Variants in TMEM163 observed in about 807,000 individuals in gnomAD.
The protein encoded by TMEM163 is transmembrane protein 163.
In TMEM163, 17 loss-of-function variants were observed where a neutral mutation model predicts 29.3. The ratio of observed to expected loss-of-function variants is 0.58; its 90% CI spans 0.40 to 0.87. The LOEUF (loss-of-function observed/expected upper bound fraction) is 0.87, where lower values mean the gene tolerates loss of function less well. TMEM163 is among the 40% of genes least tolerant of loss of function. The pLI, the probability that TMEM163 is intolerant of heterozygous loss-of-function variation, is 0.00. For synonymous variants in TMEM163, 157 were observed against 160.6 expected, an observed-to-expected ratio of 0.98 and a Z score of 0.17; for missense variants, 303 against 381.5, an observed-to-expected ratio of 0.79 and a Z score of 1.71.
intron 5 of TMEM163, among the ~76,000 whole-genome samples, chr2:134,498,440 C>T (rs1346087815): frequency 4.7e-5 from 7 of 150,364 alleles, no homozygotes; most frequent in Admixed American, 1.3e-4. Flanking sequence ...TCTTCCACCT[C>T]AGCCTCCCGA....
intron 2 of TMEM163, among the ~76,000 whole-genome samples, chr2:134,674,113 A>G (rs1471973948): frequency 1.3e-5 from 2 of 152,164 alleles, no homozygotes; most frequent in South Asian, 2.1e-4. Context: ...TCTATTCCTC[A>G]TTTATGTGAA....
rs1159013721 is a variant in TMEM163 at position 134,493,362 on chromosome 2, C to CTTTTTTT, written c.555+9532_555+9538dup. On this transcript the variant is annotated intron_variant, in intron 5 of 7. Coordinates refer to ENST00000281924, the MANE Select transcript of TMEM163 (RefSeq NM_030923.5). ...GACTTATGGTTCAAGCTTTTGGTGTCTTTTTTTTTTTTTTTTTTTTTTTTT... is the reference window on the plus strand; with the variant it reads ...GACTTATGGTTCAAGCTTTTGGTGTCTTTTTTTTTTTTTTTTTTTTTTTTTTTTTTTT... Among the ~76,000 whole-genome samples, 164 of 49,856 alleles carry CTTTTTTT rather than the reference C, an allele frequency of 3.3e-3. 42 individuals are homozygous for CTTTTTTT. The highest frequency in any genetic ancestry group is 9.3e-3 in the African/African-American group (105 of 11,232). The allele number at this position is 49,856 out of a possible 152,430, so 32.7% of individuals were successfully genotyped here. A position where few individuals can be genotyped will look rare whatever the true frequency, so the allele number is the denominator to read the frequency against.
chr2:134,614,329 CAT>C (rs1682564561), intron 2 of TMEM163, among the ~76,000 whole-genome samples: 1 of 151,932 alleles, frequency 6.6e-6, no homozygotes. Flanking sequence ...CAAAATGAAA[CAT>C]GAACTTTTAT....
intron 4 of TMEM163, among the ~76,000 whole-genome samples, chr2:134,518,855 A>C (rs1680133307): frequency 6.6e-6 from 1 of 152,196 alleles, no homozygotes; most frequent in Non-Finnish European, 1.5e-5. Flanking sequence ...CCCCAGTCCC[A>C]GGCAGGGGGT....
At chr2:134,502,633 C>G (rs1679722855) in intron 5 of TMEM163, among the ~76,000 whole-genome samples, 1 of 152,172 alleles carries the variant, frequency 6.6e-6, no homozygotes, top group South Asian at 2.1e-4. Flanking sequence ...TTTACACACA[C>G]AAAAAGTCTT....
chr2:134,522,816 A>G (rs991379640), intron 4 of TMEM163, among the ~76,000 whole-genome samples: 29 of 152,238 alleles, frequency 1.9e-4, no homozygotes, highest in African/African-American at 7.0e-4. Context: ...TTGTCTGCCC[A>G]ATGATCTTGA....
intron 2 of TMEM163, among the ~76,000 whole-genome samples, chr2:134,653,853 A>G (rs373329008): frequency 8.0e-6 from 1 of 124,968 alleles, no homozygotes; most frequent in Non-Finnish European, 1.6e-5. Context: ...GTAGTTGAGC[A>G]GCTTTGAGTG....
intron 2 of TMEM163, among the ~76,000 whole-genome samples, chr2:134,646,057 C>A (rs565334400): frequency 6.6e-6 from 1 of 151,290 alleles, no homozygotes; most frequent in East Asian, 1.9e-4. Context: ...GATTAACATG[C>A]AAACATAGTC....
intron 2 of TMEM163, among the ~76,000 whole-genome samples, chr2:134,601,167 A>T (rs1427449252): frequency 6.6e-6 from 1 of 152,248 alleles, no homozygotes; most frequent in Non-Finnish European, 1.5e-5. Flanking sequence ...AATATAGATT[A>T]AAACTTCTTT....
chr2:134,626,307 G>A (rs1234001305), intron 2 of TMEM163, among the ~76,000 whole-genome samples: 3 of 152,010 alleles, frequency 2.0e-5, no homozygotes, highest in Non-Finnish European at 2.9e-5. Flanking sequence ...GTTTCACCAT[G>A]TTGGCCAGGC....
At chr2:134,603,105 C>A (rs1048770502) in intron 2 of TMEM163, among the ~76,000 whole-genome samples, 14 of 152,212 alleles carry the variant, frequency 9.2e-5, no homozygotes, top group African/African-American at 3.4e-4. Context: ...ATTACAAATC[C>A]AGGGTCACTC....
At chr2:134,538,494 A>C (rs1680591175) in intron 4 of TMEM163, among the ~76,000 whole-genome samples, 1 of 152,204 alleles carries the variant, frequency 6.6e-6, no homozygotes, top group Non-Finnish European at 1.5e-5. Flanking sequence ...TTTCCCCACA[A>C]ACACTAGCAC....
intron 5 of TMEM163, among the ~76,000 whole-genome samples, chr2:134,494,079 G>A (rs796810502): frequency 5.9e-5 from 9 of 152,260 alleles, no homozygotes; most frequent in African/African-American, 2.2e-4. Context: ...AGACAGAAGG[G>A]AGGGAGAGTG....
At chr2:134,666,609 G>A (rs1165859850) in intron 2 of TMEM163, among the ~76,000 whole-genome samples, 1 of 152,206 alleles carries the variant, frequency 6.6e-6, no homozygotes, top group East Asian at 1.9e-4. Context: ...GAACTGAGTA[G>A]GGGAAGCAAC....
chr2:134,708,784 T>C (rs935156856), intron 2 of TMEM163, among the ~76,000 whole-genome samples: 22 of 151,996 alleles, frequency 1.4e-4, no homozygotes, highest in Middle Eastern at 3.4e-3. Context: ...GAGACAGGGT[T>C]TCACCATATT....
At chr2:134,686,336 C>T (rs909510891) in intron 2 of TMEM163, among the ~76,000 whole-genome samples, 5 of 152,292 alleles carry the variant, frequency 3.3e-5, no homozygotes, top group Middle Eastern at 3.4e-3. Flanking sequence ...GCGAAGCCTG[C>T]CCCCGGGCTC....
At position 134,668,544 on chromosome 2, in the gene TMEM163, T is replaced by C. The variant is rs545537762; in HGVS notation, c.322+44656A>G. On this transcript the variant is annotated intron_variant, in intron 2 of 7. Coordinates refer to ENST00000281924, the MANE Select transcript of TMEM163 (RefSeq NM_030923.5). ...CACAGAGATTGTAAAAAAATGGGTT[T>C]TCTGCAGGAGGCAGAGGTTGCAGTG... 2.2e-4 allele frequency among the ~76,000 whole-genome samples: 34 copies of C among 151,904 alleles called. 1 individual carries two copies. In the South Asian group the frequency reaches 6.3e-3, roughly 28 times the overall value.
chr2:134,498,961 G>A (rs557349870), intron 5 of TMEM163, among the ~76,000 whole-genome samples: 111 of 152,306 alleles, frequency 7.3e-4, no homozygotes, highest in African/African-American at 2.6e-3. Flanking sequence ...CCCAGCTGAC[G>A]ATCTCAGGAA....
At chr2:134,695,946 G>A (rs939162807) in intron 2 of TMEM163, among the ~76,000 whole-genome samples, 14 of 151,806 alleles carry the variant, frequency 9.2e-5, no homozygotes, top group African/African-American at 3.4e-4. Flanking sequence ...CAGCTATCAG[G>A]AGGCTGAGGT....
Sources: gnomAD v4.1 joint callset for allele counts (sites outside exome capture counted in the v4.1 genomes callset) on GRCh38, gnomAD v4.1.1 for gene constraint, MANE v1.5 for transcripts, NCBI Gene and HGNC (gene_info 2026-07-23, HGNC 2026-07-21) for gene names.